Variants in EML5 observed in about 807,000 individuals in gnomAD.
EML5 encodes EMAP like 5.
A neutral mutation model predicts 250.0 loss-of-function variants in EML5; 120 were observed. The ratio of observed to expected loss-of-function variants is 0.48; its 90% CI spans 0.41 to 0.56. The LOEUF (loss-of-function observed/expected upper bound fraction) is 0.56, where lower values mean the gene tolerates loss of function less well. Ranked by LOEUF, EML5 falls within the 20% of genes least tolerant of loss-of-function variation. EML5 has a pLI of 0.00. For synonymous variants in EML5, 771 were observed against 806.5 expected, an observed-to-expected ratio of 0.96 and a Z score of 0.75; for missense variants, 2,006 against 2,437.6, an observed-to-expected ratio of 0.82 and a Z score of 3.73.
At chr14:88,762,418 G>T (rs1390649546) in intron 1 of EML5, among the ~76,000 whole-genome samples, 1 of 152,024 alleles carries the variant, frequency 6.6e-6, no homozygotes, top group Non-Finnish European at 1.5e-5. Flanking sequence ...GCTGAGGCAG[G>T]AGAATCACTT....
chr14:88,642,684 C>G (rs1595341152), intron 31 of EML5, among the ~76,000 whole-genome samples: 1 of 152,212 alleles, frequency 6.6e-6, no homozygotes, highest in East Asian at 1.9e-4. Flanking sequence ...TTATGAATTC[C>G]TTTTCTGCTG....
At chr14:88,788,183 CA>C (rs151078449) in intron 1 of EML5, among the ~76,000 whole-genome samples, 1 of 151,718 alleles carries the variant, frequency 6.6e-6, no homozygotes, top group Non-Finnish European at 1.5e-5. Context: ...CATATAAACA[CA>C]AAAAAAATCT....
intron 1 of EML5, among the ~76,000 whole-genome samples, chr14:88,789,162 GGTA>G (rs1184484068): frequency 1.6e-4 from 25 of 151,880 alleles, no homozygotes; most frequent in African/African-American, 6.0e-4. Context: ...TGCTAAAACT[GGTA>G]GTAGCTTATT....
chr14:88,620,770 C>T lies in EML5; in HGVS notation c.5359G>A (p.Ala1787Thr). The change falls in exon 39 of 44, where the codon GCA (alanine) becomes ACA (threonine). Residue 1787 changes from alanine to threonine, a missense_variant. By Grantham distance (58) the Ala-to-Thr change is moderately conservative (BLOSUM62 0). Around this residue, in one of 7 missense-constraint regions of EML5, gnomAD observed 405 missense variants for 523.3 expected, o/e 0.77. Coordinates refer to ENST00000554922, the MANE Select transcript of EML5 (RefSeq NM_183387.3). The surrounding 1 kb of genome is among the most constrained non-coding windows in gnomAD (Gnocchi z 4.3). ...IWGKKRDRRCAIHDIRFSPDS... is the reference protein window; with the variant it reads ...IWGKKRDRRCTIHDIRFSPDS... The stretch of plus-strand genomic sequence containing the variant: ...TTCACTAACCTGATATCATGGATTG[C>T]ACATCTCCTGTCTCTCTTCTTTCCC... 2 of 1,596,926 alleles carry T rather than the reference C, an allele frequency of 1.3e-6. No individual in the cohort carries two copies. Among genetic ancestry groups the T allele is most frequent in the East Asian group, 2.2e-5 (1 of 44,714 alleles).
At chr14:88,784,977 G>A (rs1287092447) in intron 1 of EML5, among the ~76,000 whole-genome samples, 2 of 152,160 alleles carry the variant, frequency 1.3e-5, no homozygotes, top group Non-Finnish European at 2.9e-5. Flanking sequence ...TAAAGAAAAC[G>A]TGGTATATAT....
At chr14:88,672,038 G>T (rs141355887) in intron 21 of EML5, among the ~76,000 whole-genome samples, 1 of 152,038 alleles carries the variant, frequency 6.6e-6, no homozygotes, top group African/African-American at 2.4e-5. Context: ...ACTCAGCTCC[G>T]GATCAAGCGG....
At chr14:88,758,223 AC>A (rs1456028377) in intron 1 of EML5, among the ~76,000 whole-genome samples, 1 of 150,848 alleles carries the variant, frequency 6.6e-6, no homozygotes, top group African/African-American at 2.4e-5. Flanking sequence ...ACAGAGTTTC[AC>A]TCTCATTGCC....
At chr14:88,783,223 C>T in intron 1 of EML5, among the ~76,000 whole-genome samples, 1 of 152,286 alleles carries the variant, frequency 6.6e-6, no homozygotes, top group Admixed American at 6.5e-5. Flanking sequence ...AGCCCCCACA[C>T]ACAAATGTGG....
intron 1 of EML5, among the ~76,000 whole-genome samples, chr14:88,788,561 T>C (rs984609119): frequency 1.3e-5 from 2 of 151,962 alleles, no homozygotes; most frequent in Non-Finnish European, 2.9e-5. Context: ...GTACTCTAAA[T>C]TCTATACCTA....
chr14:88,696,983 C>A (rs758901545), intron 14 of EML5, 31 bp from the exon 15 acceptor site: 4 of 1,352,482 alleles, frequency 3.0e-6, no homozygotes, highest in Non-Finnish European at 4.0e-6. Context: ...CTATTAAATA[C>A]AATTAAATTA....
Position 88,649,915 on chromosome 14 carries a change from A to T in EML5, c.4016T>A (p.Val1339Glu). 1 of 1,493,290 alleles carries T rather than the reference A, an allele frequency of 6.7e-7. No individual in the cohort carries two copies. The highest frequency in any genetic ancestry group is 8.9e-7 in the Non-Finnish European group (1 of 1,122,240). The allele number at this position is 1,493,290 out of a possible 1,614,324, so 92.5% of individuals were successfully genotyped here. ...TTTTCTTTTATAAAACACTTACCTTACTACTCCCTGCCTTCAAAAGGAGCA... is the reference window on the plus strand; with the variant it reads ...TTTTCTTTTATAAAACACTTACCTTTCTACTCCCTGCCTTCAAAAGGAGCA... ...EPSIDERQGVVRGSRPPVSRA... is the reference protein window; with the variant it reads ...EPSIDERQGVERGSRPPVSRA... The change falls in exon 28 of 44, where the codon GTA becomes GAA. Residue 1339 changes from valine to glutamate, a missense_variant. Val to Glu is a moderately radical substitution (Grantham distance 121). Transcript: ENST00000554922.
intron 1 of EML5, among the ~76,000 whole-genome samples, chr14:88,755,813 C>A (rs1298824525): frequency 1.3e-5 from 2 of 151,862 alleles, no homozygotes; most frequent in African/African-American, 2.4e-5. Flanking sequence ...GGAAACACAG[C>A]AAACCATTGT....
chr14:88,622,076 A>C, intron 37 of EML5: 4 of 245,866 alleles, frequency 1.6e-5, no homozygotes, highest in East Asian at 8.8e-5. Flanking sequence ...TCTACTCTCC[A>C]CCTCTGTGGG....
In EML5 at chr14:88,682,027, T is replaced by C. The variant is rs754058249; in HGVS notation, c.2987A>G (p.His996Arg). 3 of 1,594,134 alleles carry C rather than the reference T, an allele frequency of 1.9e-6. No individual in the cohort carries two copies. Among genetic ancestry groups the C allele is most frequent in the Non-Finnish European group, 2.6e-6 (3 of 1,173,434 alleles). The change falls in exon 21 of 44, where the codon CAC becomes CGC. Residue 996 changes from histidine (H) to arginine (R), a missense_variant. Coordinates refer to ENST00000554922, the MANE Select transcript of EML5 (RefSeq NM_183387.3). ...SGPITLLVQGHMEGEVWGLAT... is the reference protein window; with the variant it reads ...SGPITLLVQGRMEGEVWGLAT... ...TAAACCCCACACCTCTCCTTCCATG[T>C]GTCCCTATAAAGAAAACATAGGATC... is the stretch of plus-strand genomic sequence containing the variant.
At chr14:88,755,144 AT>A (rs2094143711) in intron 1 of EML5, among the ~76,000 whole-genome samples, 1 of 152,240 alleles carries the variant, frequency 6.6e-6, no homozygotes, top group Non-Finnish European at 1.5e-5. Flanking sequence ...ATAAAAATCC[AT>A]GCTAACAGTT....
chr14:88,617,021 G>A (rs746620613), intron 41 of EML5, 142 bp from the exon 42 acceptor site: 1 of 659,914 alleles, frequency 1.5e-6, no homozygotes, highest in East Asian at 2.7e-5. Context: ...AAGTTGTTTG[G>A]AGACCTGAAT....
intron 25 of EML5, among the ~76,000 whole-genome samples, chr14:88,659,901 C>T (rs1232049244): frequency 6.6e-6 from 1 of 152,148 alleles, no homozygotes; most frequent in Non-Finnish European, 1.5e-5. Flanking sequence ...ACCACAATAT[C>T]ATTTCAGTGC....
intron 8 of EML5, among the ~76,000 whole-genome samples, chr14:88,718,881 C>T (rs1340745573): frequency 6.6e-6 from 1 of 152,060 alleles, no homozygotes; most frequent in Non-Finnish European, 1.5e-5. Context: ...TGGACGTACA[C>T]AAAGAGTTAC....
rs1372217110 is a variant in EML5 at position 88,614,922 on chromosome 14, A to G, written c.*896T>C. On this transcript the variant is annotated 3_prime_UTR_variant, in exon 44 of 44. Coordinates refer to ENST00000554922, the MANE Select transcript of EML5 (RefSeq NM_183387.3). Reference sequence around the variant, plus strand: ...GAGTGATTAAATTGTATAATGTTGTATATGTGAATTTAACACTTTTGTTTA... The same window carrying G: ...GAGTGATTAAATTGTATAATGTTGTGTATGTGAATTTAACACTTTTGTTTA... 3 of 152,220 alleles carry G rather than the reference A, an allele frequency of 2.0e-5. No individual in the cohort carries two copies. The highest frequency in any genetic ancestry group is 7.2e-5 in the African/African-American group (3 of 41,458). The allele number at this position is 152,220 out of a possible 1,614,324, so 9.4% of individuals were successfully genotyped here. A position where few individuals can be genotyped will look rare whatever the true frequency, so the allele number is the denominator to read the frequency against.
Sources: allele counts gnomAD v4.1 joint callset (sites outside exome capture counted in the v4.1 genomes callset), GRCh38; gene constraint gnomAD v4.1.1; regional missense constraint gnomAD v4.1.1; non-coding constraint Gnocchi (gnomAD v3.1); transcripts MANE v1.5; gene names NCBI Gene and HGNC (gene_info 2026-07-23, HGNC 2026-07-21).